Variants in CREB5 observed in about 807,000 individuals in gnomAD.
CREB5 encodes the protein cyclic AMP-responsive element-binding protein 5.
A neutral mutation model predicts 57.1 loss-of-function variants in CREB5; 19 were observed. The ratio of observed to expected loss-of-function variants is 0.33; its 90% CI spans 0.23 to 0.49. The LOEUF (loss-of-function observed/expected upper bound fraction) is 0.49. Among genes scored for constraint, CREB5 ranks in the 20% least tolerant of loss-of-function variants. The probability of loss-of-function intolerance (pLI) is 0.99; values close to 1 mark genes in which losing one functional copy is unlikely to be tolerated. For synonymous variants in CREB5, 238 were observed against 238.3 expected (o/e 1.00, Z 0.01); for missense variants, 579 against 671.6 (o/e 0.86, Z 1.52).
chr7:28,390,043 G>A (rs543948461), intron 1 of CREB5, among the ~76,000 whole-genome samples: 1 of 127,952 alleles, frequency 7.8e-6, no homozygotes, highest in African/African-American at 2.9e-5. Flanking sequence ...CAAGTAGGAG[G>A]GTTTTTTTTT....
At chr7:28,307,741 G>A (rs914708011) in intron 1 of CREB5, among the ~76,000 whole-genome samples, 13 of 152,230 alleles carry the variant, frequency 8.5e-5, no homozygotes, top group Admixed American at 5.2e-4. Flanking sequence ...GCCTGGCACT[G>A]TGCTGGGTCC....
rs56224961 is a variant in CREB5 at position 28,775,543 on chromosome 7, C to CATATATATAT, written c.703-28643_703-28634dup. Among the ~76,000 whole-genome samples the CATATATATAT allele has an allele frequency of 6.3e-3, 766 of 120,680 alleles. 26 individuals carry two copies. Among genetic ancestry groups the CATATATATAT allele is most frequent in the African/African-American group, 0.021 (638 of 30,712 alleles). The allele number at this position is 120,680 out of a possible 152,430, so 79.2% of individuals were successfully genotyped here. ...ATGCCATATTTATGTATTCCTTAGC[C>CATATATATAT]ATATATATATATATATATATATTAG... On this transcript the variant is annotated intron_variant, in intron 7 of 10. Transcript: ENST00000357727.
chr7:28,748,455 T>G (rs1562614926), intron 7 of CREB5, among the ~76,000 whole-genome samples: 1 of 152,202 alleles, frequency 6.6e-6, no homozygotes, highest in Non-Finnish European at 1.5e-5. Flanking sequence ...GACAGCATTC[T>G]AAGTGTGATC....
At chr7:28,668,119 C>T (rs1799896774) in intron 5 of CREB5, among the ~76,000 whole-genome samples, 2 of 152,100 alleles carry the variant, frequency 1.3e-5, no homozygotes, top group South Asian at 4.1e-4. Flanking sequence ...CTCTTATAAA[C>T]TCTACTTGTT....
intron 1 of CREB5, among the ~76,000 whole-genome samples, chr7:28,436,062 CTTTTG>C (rs1309670977): frequency 6.6e-6 from 1 of 151,812 alleles, no homozygotes; most frequent in African/African-American, 2.4e-5. Context: ...AAGCCTTTTT[CTTTTG>C]TTTTATTTTA....
chr7:28,738,134 A>G (rs1166080994), intron 7 of CREB5, among the ~76,000 whole-genome samples: 2 of 152,172 alleles, frequency 1.3e-5, no homozygotes, highest in African/African-American at 4.8e-5. Flanking sequence ...CACCACCTAA[A>G]ATAGATTTTT....
At chr7:28,661,474 A>G (rs1220179369) in intron 5 of CREB5, among the ~76,000 whole-genome samples, 1 of 151,548 alleles carries the variant, frequency 6.6e-6, no homozygotes, top group East Asian at 1.9e-4. Context: ...GTACATGTCA[A>G]GGGGGGAAAC....
Position 28,382,027 on chromosome 7 carries a change from G to A in CREB5, c.-25+82586G>A, listed in dbSNP as rs569415521. ...TCAGTCCAAGTCTGAAGGCCTCAGA[G>A]TGGAAGCCAATGGTGTAGCTCTCAG... On this transcript the variant is annotated intron_variant, in intron 1 of 9. Coordinates refer to the CREB5 transcript ENST00000396299. Among the ~76,000 whole-genome samples, 5 of 152,364 alleles carry A rather than the reference G, an allele frequency of 3.3e-5. No individual in the cohort carries two copies. In the South Asian group the frequency reaches 1.0e-3, roughly 32 times the overall value.
rs142185629 is a variant in CREB5 at position 28,597,895 on chromosome 7, A to G, written c.464+27358A>G. On this transcript the variant is annotated intron_variant, in intron 5 of 10. Coordinates refer to ENST00000357727, the MANE Select transcript of CREB5 (RefSeq NM_182898.4). ...GGAAAAGAGACAATACATGGTCACT[A>G]CATTTGAATTCTGAGAAGGTAGAAA... Among the ~76,000 whole-genome samples, 10 of 152,344 alleles carry G rather than the reference A, an allele frequency of 6.6e-5. No individual in the cohort carries two copies. In the East Asian group the frequency reaches 1.7e-3, roughly 26 times the overall value.
intron 5 of CREB5, among the ~76,000 whole-genome samples, chr7:28,695,512 C>A (rs144718053): frequency 1.2e-4 from 19 of 152,272 alleles, no homozygotes; most frequent in Admixed American, 4.6e-4. Context: ...AGAGACTCCT[C>A]CCTCTGGTCT....
chr7:28,521,751 A>G (rs1793216810), intron 4 of CREB5, among the ~76,000 whole-genome samples: 1 of 152,142 alleles, frequency 6.6e-6, no homozygotes, highest in African/African-American at 2.4e-5. Flanking sequence ...GGTGTCTCTG[A>G]CCAGATACAG....
intron 7 of CREB5, among the ~76,000 whole-genome samples, chr7:28,736,718 C>T (rs1038448309): frequency 3.3e-5 from 5 of 151,916 alleles, no homozygotes; most frequent in African/African-American, 4.8e-5. Context: ...CTTAAAGCAA[C>T]GTGGTGACTG....
chr7:28,696,888 A>G (rs868820561), intron 5 of CREB5, among the ~76,000 whole-genome samples: 3 of 151,862 alleles, frequency 2.0e-5, no homozygotes, highest in Admixed American at 6.6e-5. Context: ...ATGTATATAC[A>G]CACATACTCA....
At chr7:28,422,693 T>C (rs1788321699) in intron 1 of CREB5, among the ~76,000 whole-genome samples, 1 of 152,200 alleles carries the variant, frequency 6.6e-6, no homozygotes, top group Admixed American at 6.5e-5. Flanking sequence ...TCATCCTACA[T>C]GTGTTGGTGC....
chr7:28,327,792 GA>G (rs746320672), intron 1 of CREB5, among the ~76,000 whole-genome samples: 27 of 152,184 alleles, frequency 1.8e-4, no homozygotes, highest in Non-Finnish European at 3.4e-4. Flanking sequence ...CCCTGAGAGA[GA>G]AAATGCTAAC....
intron 4 of CREB5, among the ~76,000 whole-genome samples, chr7:28,520,080 T>A (rs1244167291): frequency 6.6e-6 from 1 of 152,202 alleles, no homozygotes; most frequent in African/African-American, 2.4e-5. Flanking sequence ...AAGGAACTGA[T>A]CCACTAAAAT....
intron 1 of CREB5, among the ~76,000 whole-genome samples, chr7:28,391,703 T>C (rs1005360777): frequency 1.5e-4 from 23 of 152,240 alleles, no homozygotes; most frequent in Non-Finnish European, 1.5e-4. Context: ...TGGGAAGGAC[T>C]GGATGTGGTT....
intron 1 of CREB5, among the ~76,000 whole-genome samples, chr7:28,358,302 C>CG (rs1170315631): frequency 1.3e-5 from 2 of 152,206 alleles, no homozygotes; most frequent in Non-Finnish European, 2.9e-5. Flanking sequence ...CCTGCTCACA[C>CG]GACTCTCAGA....
At chr7:28,712,247 C>T (rs1402640143) in intron 5 of CREB5, among the ~76,000 whole-genome samples, 2 of 152,026 alleles carry the variant, frequency 1.3e-5, no homozygotes, top group East Asian at 3.9e-4. Flanking sequence ...TGAAAATAGA[C>T]CTGAAATCCC....
Sources: gnomAD v4.1 joint callset for allele counts (sites outside exome capture counted in the v4.1 genomes callset) on GRCh38, gnomAD v4.1.1 for gene constraint, MANE v1.5 for transcripts, NCBI Gene and HGNC (gene_info 2026-07-23, HGNC 2026-07-21) for gene names.